The following OXCT1 variants were observed in gnomAD, a reference collection of about 807,000 sequenced individuals.
OXCT1 encodes 3-oxoacid CoA-transferase 1.
Under a neutral mutation model 69.6 loss-of-function variants are expected in OXCT1, and 27 were observed. That is an observed-to-expected ratio of 0.39 (90% CI 0.29 to 0.54). OXCT1 has a LOEUF of 0.54. OXCT1 is among the 20% of genes least tolerant of loss of function. The pLI, the probability that OXCT1 is intolerant of heterozygous loss-of-function variation, is 0.72. For synonymous variants in OXCT1, 202 were observed against 217.8 expected (o/e 0.93, Z 0.64); for missense variants, 437 against 650.2 (o/e 0.67, Z 3.57).
chr5:41,794,744 C>A lies in OXCT1; in HGVS notation c.1105G>T (p.Glu369Ter). The A allele has an allele frequency of 6.2e-7, 1 of 1,613,358 alleles. No homozygotes were observed. The change falls in exon 12 of 17, where the codon GAA becomes TAA. Residue 369 changes from glutamate to a stop codon, truncating the protein, a stop_gained. Transcript: ENST00000196371. LOFTEE classifies it high-confidence loss of function. ...ADADLINAGK[E>*]TVTILPGASF... ...GCTCCTGGAAGAATAGTAACTGTTT[C>A]CTTGCCTAAACACACACACACACAA...
intron 7 of OXCT1, among the ~76,000 whole-genome samples, chr5:41,838,166 G>A (rs373973594): frequency 1.1e-3 from 169 of 152,244 alleles, no homozygotes; most frequent in African/African-American, 1.4e-3. Flanking sequence ...GGAGGCCAGC[G>A]CAGGTAACGG....
intron 15 of OXCT1, among the ~76,000 whole-genome samples, chr5:41,740,759 C>G (rs911661172): frequency 1.3e-5 from 2 of 152,140 alleles, no homozygotes; most frequent in African/African-American, 4.8e-5. Flanking sequence ...AAGCTCAAAC[C>G]TTAAGAGCTA....
chr5:41,835,898 T>A (rs1748333226), intron 7 of OXCT1, among the ~76,000 whole-genome samples: 1 of 152,046 alleles, frequency 6.6e-6, no homozygotes, highest in Admixed American at 6.6e-5. Flanking sequence ...GTCTCCTGAG[T>A]GAAGCACTCT....
At chr5:41,745,830 C>T (rs1425658522) in intron 15 of OXCT1, among the ~76,000 whole-genome samples, 8 of 152,136 alleles carry the variant, frequency 5.3e-5, no homozygotes, top group Admixed American at 2.6e-4. Context: ...GACACATACA[C>T]CCTCCCAAGA....
chr5:41,810,101 G>A (rs1746893398), intron 7 of OXCT1, among the ~76,000 whole-genome samples: 1 of 151,862 alleles, frequency 6.6e-6, no homozygotes, highest in African/African-American at 2.4e-5. Context: ...AAAAAATGAA[G>A]AGGCAGAACT....
intron 8 of OXCT1, among the ~76,000 whole-genome samples, chr5:41,806,628 C>T (rs369985958): frequency 6.6e-6 from 1 of 152,080 alleles, no homozygotes; most frequent in African/African-American, 2.4e-5. Flanking sequence ...CTCTCTCTCT[C>T]GCCTTGTGAC....
intron 3 of OXCT1, 23 bp downstream of exon 3, chr5:41,861,291 T>C (rs367630781): frequency 2.8e-6 from 4 of 1,451,974 alleles, no homozygotes; most frequent in African/African-American, 1.4e-5. Context: ...CTCCAGCCAA[T>C]TGTTTTTAAA....
Position 41,803,193 on chromosome 5 carries a change from T to A in OXCT1, c.956-30A>T, listed in dbSNP as rs773355502. 3 of 1,419,500 alleles carry A rather than the reference T, an allele frequency of 2.1e-6. No individual in the cohort carries two copies. In the African/African-American group the frequency reaches 4.2e-5, roughly 20 times the overall value. The allele number at this position is 1,419,500 out of a possible 1,614,324, so 87.9% of individuals were successfully genotyped here. The stretch of plus-strand genomic sequence containing the variant: ...AAAAAAAAGATGTTAAGGTCCAGCA[T>A]ATAAAAGGTAGAGAAGTTATACCAT... On this transcript the variant is annotated intron_variant, in intron 9 of 16. Coordinates refer to ENST00000196371, the MANE Select transcript of OXCT1 (RefSeq NM_000436.4).
chr5:41,820,384 T>A (rs1353053608), intron 7 of OXCT1, among the ~76,000 whole-genome samples: 1 of 152,120 alleles, frequency 6.6e-6, no homozygotes, highest in Non-Finnish European at 1.5e-5. Flanking sequence ...AAAATGTTGA[T>A]ACTCATATAA....
intron 6 of OXCT1, 145 bp downstream of exon 6, chr5:41,842,530 T>G (rs866671114): frequency 6.2e-5 from 44 of 712,556 alleles, no homozygotes; most frequent in Middle Eastern, 5.0e-4. Context: ...CCAGCAGCCC[T>G]GCACACACCT....
At chr5:41,835,639 AT>A (rs1323714430) in intron 7 of OXCT1, among the ~76,000 whole-genome samples, 1 of 152,226 alleles carries the variant, frequency 6.6e-6, no homozygotes, top group Non-Finnish European at 1.5e-5. Context: ...AAGTAATTAT[AT>A]TTATGTCATG....
At chr5:41,751,616 A>G (rs143201453) in intron 14 of OXCT1, among the ~76,000 whole-genome samples, 28 of 152,272 alleles carry the variant, frequency 1.8e-4, no homozygotes, top group African/African-American at 6.5e-4. Context: ...GCAAGGGTCC[A>G]GCACTTAGTG....
intron 7 of OXCT1, among the ~76,000 whole-genome samples, chr5:41,821,621 G>A (rs1747555440): frequency 6.6e-6 from 1 of 152,164 alleles, no homozygotes; most frequent in Admixed American, 6.5e-5. Context: ...TTGGTTGTTA[G>A]TGTTCTGACT....
At chr5:41,760,655 GT>G (rs905726137) in intron 14 of OXCT1, among the ~76,000 whole-genome samples, 30 of 152,030 alleles carry the variant, frequency 2.0e-4, no homozygotes, top group Non-Finnish European at 5.9e-5. Context: ...GTCTGAAAGA[GT>G]TTTTTCCAAA....
chr5:41,814,003 T>A (rs954341909), intron 7 of OXCT1, among the ~76,000 whole-genome samples: 1 of 152,148 alleles, frequency 6.6e-6, no homozygotes, highest in Non-Finnish European at 1.5e-5. Flanking sequence ...CATTATAGTA[T>A]CAATTTTTAG....
At chr5:41,796,996 G>C (rs1746212661) in intron 11 of OXCT1, among the ~76,000 whole-genome samples, 1 of 152,188 alleles carries the variant, frequency 6.6e-6, no homozygotes, top group Non-Finnish European at 1.5e-5. Flanking sequence ...TAGGTTTTAA[G>C]ACAGGCATAA....
intron 5 of OXCT1, 78 bp downstream of exon 5, chr5:41,849,952 T>C: frequency 7.1e-7 from 1 of 1,411,470 alleles, no homozygotes; most frequent in Non-Finnish European, 1.0e-6. Flanking sequence ...GATTTTATAC[T>C]TATTTGCCCA....
chr5:41,857,117 A>C (rs947505000), intron 3 of OXCT1, among the ~76,000 whole-genome samples: 1 of 152,104 alleles, frequency 6.6e-6, no homozygotes, highest in Non-Finnish European at 1.5e-5. Flanking sequence ...TTCAAAGCCT[A>C]TTCAAAATCT....
At chr5:41,737,492 G>C (rs1299635549) in intron 16 of OXCT1, among the ~76,000 whole-genome samples, 1 of 152,070 alleles carries the variant, frequency 6.6e-6, no homozygotes, top group African/African-American at 2.4e-5. Context: ...ATCTGATGAA[G>C]AGGTTAATTC....
Sources: gnomAD v4.1 joint callset for allele counts (sites outside exome capture counted in the v4.1 genomes callset) on GRCh38, gnomAD v4.1.1 for gene constraint, MANE v1.5 for transcripts, NCBI Gene and HGNC (gene_info 2026-07-23, HGNC 2026-07-21) for gene names.